IRS2: variants seen among roughly 807,000 people sequenced by gnomAD.
IRS2 encodes the protein insulin receptor substrate 2.
IRS2 carries 28 observed loss-of-function variants against 70.9 expected under a neutral mutation model. The observed-to-expected ratio is 0.39, with a 90% CI of 0.29 to 0.54. The LOEUF is 0.54. Ranked by LOEUF, IRS2 falls within the 20% of genes least tolerant of loss-of-function variation. The probability of loss-of-function intolerance (pLI) is 0.59; values close to 1 mark genes in which losing one functional copy is unlikely to be tolerated. For missense variants in IRS2, 2,081 were observed against 2,024.1 expected, an observed-to-expected ratio of 1.03 and a Z score of -0.54; for synonymous variants, 1,217 against 981.9, an observed-to-expected ratio of 1.24 and a Z score of -4.48.
In IRS2 at chr13:109,782,425, G is replaced by A. The variant is rs1877736532; in HGVS notation, c.3629C>T (p.Ala1210Val). The change falls in exon 1 of 2, where the codon GCG becomes GTG. Residue 1210 changes from alanine (A) to valine (V), a missense_variant. Ala to Val is a moderately conservative substitution (Grantham distance 64, BLOSUM62 0). Transcript: ENST00000375856. The stretch of plus-strand genomic sequence containing the variant: ...CCGGCCCTGCGGTGCCAAAGGGGGC[G>A]CCGGCTGCAACTGTCGTGGGGAGGT... ...PPTSPRQLQP[A>V]PPLAPQGRPW... 1 of 1,594,470 alleles carries A rather than the reference G, an allele frequency of 6.3e-7. No homozygotes were observed. Among genetic ancestry groups the A allele is most frequent in the Non-Finnish European group, 8.5e-7 (1 of 1,170,492 alleles).
At position 109,782,099 on chromosome 13, in the gene IRS2, T is replaced by G; in HGVS notation, c.3955A>C (p.Thr1319Pro). 1 of 1,612,196 alleles carries G rather than the reference T, an allele frequency of 6.2e-7. No homozygotes were observed. The highest frequency in any genetic ancestry group is 1.7e-5 in the Admixed American group (1 of 59,974). The part of the protein sequence containing the change: ...PGPGALPPAN[T>P]YASIDFLSHH... ...GACAAGAAGTCAATGCTGGCGTAGG[T>G]GTTGGCAGGGGGCAGGGCACCGGGA... Residue 1319 changes from threonine to proline, a missense_variant, in exon 1 of 2, where the codon ACC becomes CCC. By Grantham distance (38) the Thr-to-Pro change is conservative. Transcript: ENST00000375856.
Position 109,756,261 on chromosome 13 carries a change from C to T in IRS2, c.*43G>A, listed in dbSNP as rs1865434. ...TGCTGAGCGTCTTCTTTTAATGATA[C>T]TCTCTGACATGTGACATCCTGGTGA... On this transcript the variant is annotated 3_prime_UTR_variant, in exon 2 of 2. Coordinates refer to ENST00000375856, the MANE Select transcript of IRS2 (RefSeq NM_003749.3). 0.85 allele frequency: 1,308,888 copies of T among 1,546,828 alleles called. 554,526 individuals are homozygous for T. The highest frequency in any genetic ancestry group is 0.91 in the Admixed American group (54,316 of 59,936).
chr13:109,760,018 G>C (rs1877193863), intron 1 of IRS2, among the ~76,000 whole-genome samples: 1 of 152,034 alleles, frequency 6.6e-6, no homozygotes. Context: ...AATCAGCCTG[G>C]TTCATCCTGA....
In IRS2 at chr13:109,763,771, T is replaced by C. The variant is rs567734759; in HGVS notation, c.4013-7463A>G. On this transcript the variant is annotated intron_variant, in intron 1 of 1. Coordinates refer to ENST00000375856, the MANE Select transcript of IRS2 (RefSeq NM_003749.3). ...TTTATGTACACCATAACAATGTTTA[T>C]ATTGTTTATATCAGAAATTATAAAA... 6.8e-4 allele frequency among the ~76,000 whole-genome samples: 103 copies of C among 152,374 alleles called. 1 individual carries two copies. The highest frequency in any genetic ancestry group is 6.8e-3 in the Middle Eastern group (2 of 294).
In IRS2 at chr13:109,786,006, G is replaced by A. The variant is rs749425733; in HGVS notation, c.48C>T (p.Asp16=). The A allele has an allele frequency of 5.0e-6, 7 of 1,412,590 alleles. No individual in the cohort carries two copies. The highest frequency in any genetic ancestry group is 3.1e-5 in the East Asian group (1 of 32,118). The allele number at this position is 1,412,590 out of a possible 1,614,324, so 87.5% of individuals were successfully genotyped here. ...TGTTGTTGTTGTTGAGGTTGGGGCC[G>A]TCTCCGCTCGCCGGCCCGGGCGGCC... ...RHGPPGPASG[D]GPNLNNNNNN... The change falls in exon 1 of 2, where the codon GAC becomes GAT. Residue 16 remains aspartate (D), a synonymous_variant. Coordinates refer to ENST00000375856, the MANE Select transcript of IRS2 (RefSeq NM_003749.3). The surrounding 1 kb of genome is among the most constrained non-coding windows in gnomAD (Gnocchi z 4.4).
chr13:109,785,386 G>C lies in IRS2; in HGVS notation c.668C>G (p.Ala223Gly). The C allele has an allele frequency of 6.2e-7, 1 of 1,612,418 alleles. No individual in the cohort carries two copies. The highest frequency in any genetic ancestry group is 8.5e-7 in the Non-Finnish European group (1 of 1,179,864). Residue 223 changes from alanine to glycine, a missense_variant, in exon 1 of 2, where the codon GCG becomes GGG. Ala to Gly is a moderately conservative substitution (Grantham distance 60). Coordinates refer to ENST00000375856, the MANE Select transcript of IRS2 (RefSeq NM_003749.3). The surrounding 1 kb of genome is among the most constrained non-coding windows in gnomAD (Gnocchi z 9.3). ...LTGVYRLCLS[A>G]RTIGFVKLNC... Reference sequence around the variant, plus strand: ...GAGCTTCACGAAGCCGATGGTGCGCGCAGACAGGCACAGACGGTACACCCC... The same window carrying C: ...GAGCTTCACGAAGCCGATGGTGCGCCCAGACAGGCACAGACGGTACACCCC...
At chr13:109,775,079 T>A (rs2138923011) in intron 1 of IRS2, among the ~76,000 whole-genome samples, 1 of 151,852 alleles carries the variant, frequency 6.6e-6, no homozygotes, top group South Asian at 2.1e-4. Context: ...TTCTTAAATA[T>A]TAAAGATTAA....
chr13:109,784,197 G>C lies in IRS2; in HGVS notation c.1857C>G (p.Ser619=), dbSNP rs1252486860. The C allele has an allele frequency of 6.3e-7, 1 of 1,575,624 alleles. No homozygotes were observed. The highest frequency in any genetic ancestry group is 8.6e-7 in the Non-Finnish European group (1 of 1,162,024). Reference sequence around the variant, plus strand: ...AGGGGTGGTAGGCCACCTTGGGAGAGGACGCGGGGCAGGACGGGCAGAGGC... The same window carrying C: ...AGGGGTGGTAGGCCACCTTGGGAGACGACGCGGGGCAGGACGGGCAGAGGC... ...AGRLCPSCPA[S]SPKVAYHPYP... The change falls in exon 1 of 2, where the codon TCC becomes TCG. Residue 619 remains serine (S), a synonymous_variant. Transcript: ENST00000375856. The surrounding 1 kb of genome is among the most constrained non-coding windows in gnomAD (Gnocchi z 5.2).
chr13:109,782,306 C>T lies in IRS2; in HGVS notation c.3748G>A (p.Gly1250Ser). The change falls in exon 1 of 2, where the codon GGT (glycine) becomes AGT (serine). Residue 1250 changes from glycine (G) to serine (S), a missense_variant. Physicochemically the swap from Gly to Ser is moderately conservative, Grantham distance 56. Coordinates refer to ENST00000375856, the MANE Select transcript of IRS2 (RefSeq NM_003749.3). Reference protein sequence around the residue: ...RRETSAGFQNGLNYIAIDVRE... With the variant: ...RRETSAGFQNSLNYIAIDVRE... ...ACGTCGATGGCGATGTAGTTGAGACCATTCTGGAAGCCGGCAGAGGTCTCT... is the reference window on the plus strand; with the variant it reads ...ACGTCGATGGCGATGTAGTTGAGACTATTCTGGAAGCCGGCAGAGGTCTCT... 6.8e-6 allele frequency: 11 copies of T among 1,611,704 alleles called. No individual in the cohort carries two copies. The highest frequency in any genetic ancestry group is 8.5e-6 in the Non-Finnish European group (10 of 1,179,438).
intron 1 of IRS2, among the ~76,000 whole-genome samples, chr13:109,770,213 C>T (rs1877421741): frequency 6.6e-6 from 1 of 152,176 alleles, no homozygotes; most frequent in South Asian, 2.1e-4. Context: ...CTTTCCTGAA[C>T]AGGCTAGGGA....
chr13:109,759,719 G>A (rs1433974234), intron 1 of IRS2, among the ~76,000 whole-genome samples: 1 of 152,052 alleles, frequency 6.6e-6, no homozygotes, highest in Non-Finnish European at 1.5e-5. Context: ...AAGGCCCCAG[G>A]CATAGGGCTA....
rs1877844258 is a variant in IRS2, at chr13:109,784,387, T to C, written c.1667A>G (p.Tyr556Cys). The C allele has an allele frequency of 1.9e-6, 3 of 1,609,012 alleles. No homozygotes were observed. The highest frequency in any genetic ancestry group is 2.5e-6 in the Non-Finnish European group (3 of 1,179,100). Residue 556 changes from tyrosine (Y) to cysteine (C), a missense_variant, in exon 1 of 2, where the codon TAC (tyrosine) becomes TGC (cysteine). Around this residue, in one of 4 missense-constraint regions of IRS2, gnomAD observed 1,615 missense variants for 1,459.5 expected, o/e 1.11. Coordinates refer to ENST00000375856, the MANE Select transcript of IRS2 (RefSeq NM_003749.3). The surrounding 1 kb of genome is among the most constrained non-coding windows in gnomAD (Gnocchi z 5.2). ...DRPLSHCGRS[Y>C]RRVSGDAAQD... ...GGCCGCGTCCCCCGAGACCCGGCGGTAGGAGCGGCCACAGTGGCTCAGGGG... is the reference window on the plus strand; with the variant it reads ...GGCCGCGTCCCCCGAGACCCGGCGGCAGGAGCGGCCACAGTGGCTCAGGGG...
Position 109,784,863 on chromosome 13 carries a change from C to A in IRS2, c.1191G>T (p.Ala397=), listed in dbSNP as rs1877866189. Residue 397 remains alanine, a synonymous_variant, in exon 1 of 2, where the codon GCG becomes GCT. Transcript: ENST00000375856. The surrounding 1 kb of genome is among the most constrained non-coding windows in gnomAD (Gnocchi z 5.2). The part of the protein sequence containing the change: ...GSPLSPGPVR[A]PLSRSHTLSG... The stretch of plus-strand genomic sequence containing the variant: ...TCAGGGTGTGCGAGCGGCTCAGGGG[C>A]GCGCGCACCGGCCCGGGGCTCAGGG... The A allele has an allele frequency of 1.7e-6, 2 of 1,144,116 alleles. No individual in the cohort carries two copies. Among genetic ancestry groups the A allele is most frequent in the Non-Finnish European group, 2.2e-6 (2 of 926,676 alleles). 70.9% of individuals were successfully genotyped at this position (1,144,116 alleles called of 1,614,324 possible). A position where few individuals can be genotyped will look rare whatever the true frequency, so the allele number is the denominator to read the frequency against.
intron 1 of IRS2, among the ~76,000 whole-genome samples, chr13:109,758,351 A>G (rs914307806): frequency 2.6e-5 from 4 of 152,222 alleles, no homozygotes; most frequent in Non-Finnish European, 5.9e-5. Flanking sequence ...TTTTATTTTG[A>G]CACTAACAAT....
At chr13:109,765,230 C>T (rs1428007591) in intron 1 of IRS2, among the ~76,000 whole-genome samples, 1 of 152,222 alleles carries the variant, frequency 6.6e-6, no homozygotes, top group Non-Finnish European at 1.5e-5. Flanking sequence ...TTACATCTAA[C>T]TAAAGCACTA....
At chr13:109,778,095 GATTT>G (rs1877618338) in intron 1 of IRS2, among the ~76,000 whole-genome samples, 1 of 152,146 alleles carries the variant, frequency 6.6e-6, no homozygotes, top group Non-Finnish European at 1.5e-5. Context: ...TCAACAACTG[GATTT>G]ATTAGCATCT....
At chr13:109,763,127 G>A (rs1877262098) in intron 1 of IRS2, among the ~76,000 whole-genome samples, 1 of 152,200 alleles carries the variant, frequency 6.6e-6, no homozygotes, top group Non-Finnish European at 1.5e-5. Flanking sequence ...TTCACAGAAT[G>A]TTTGTTAATC....
At position 109,756,215 on chromosome 13, in the gene IRS2, A is replaced by G. The variant is rs1487210607; in HGVS notation, c.*89T>C. 6 of 1,159,692 alleles carry G rather than the reference A, an allele frequency of 5.2e-6. No individual in the cohort carries two copies. The highest frequency in any genetic ancestry group is 1.9e-4 in the Middle Eastern group (1 of 5,234). 71.8% of individuals were successfully genotyped at this position (1,159,692 alleles called of 1,614,324 possible). On this transcript the variant is annotated 3_prime_UTR_variant, in exon 2 of 2. Transcript: ENST00000375856. ...TGCTCAGATCCAAAAGAAAACTGCA[A>G]GCAGCTTCGGGCTGAAACAGTGCTG...
intron 1 of IRS2, among the ~76,000 whole-genome samples, chr13:109,774,176 A>G (rs894386667): frequency 1.3e-5 from 2 of 152,124 alleles, no homozygotes; most frequent in Non-Finnish European, 2.9e-5. Flanking sequence ...ACCAAGTATC[A>G]TATACAGTTT....
Sources: allele counts gnomAD v4.1 joint callset (sites outside exome capture counted in the v4.1 genomes callset), GRCh38; gene constraint gnomAD v4.1.1; regional missense constraint gnomAD v4.1.1; non-coding constraint Gnocchi (gnomAD v3.1); transcripts MANE v1.5; gene names NCBI Gene and HGNC (gene_info 2026-07-23, HGNC 2026-07-21).